DPH7: variants seen among roughly 807,000 people sequenced by gnomAD.
DPH7 encodes the protein diphthamide biosynthesis 7, also known as diphthine methyltransferase.
A neutral mutation model predicts 41.7 loss-of-function variants in DPH7; 44 were observed. That is an observed-to-expected ratio of 1.05 (90% CI 0.83 to 1.36). DPH7 has a LOEUF of 1.36. Among genes scored for constraint, DPH7 ranks in the 40% most tolerant of loss-of-function variants. DPH7 has a pLI of 0.00. For missense variants in DPH7, 629 were observed against 577.5 expected (o/e 1.09, Z -0.91); for synonymous variants, 275 against 238.0 (o/e 1.16, Z -1.43).
At chr9:137,573,513 T>TA (rs1436610452) in intron 5 of DPH7, among the ~76,000 whole-genome samples, 138 of 132,898 alleles carry the variant, frequency 1.0e-3, no homozygotes, top group Middle Eastern at 4.5e-3. Flanking sequence ...CCCATCTCTC[T>TA]AAAAAAAAAA....
In DPH7 at chr9:137,564,538, T is replaced by C. The variant is rs894395712; in HGVS notation, c.845A>G (p.Gln282Arg). The change falls in exon 8 of 9, where the codon CAG (glutamine) becomes CGG (arginine). Residue 282 changes from glutamine to arginine, a missense_variant. Physicochemically the swap from Gln to Arg is conservative, Grantham distance 43. Coordinates refer to ENST00000277540, the MANE Select transcript of DPH7 (RefSeq NM_138778.5). ...CCACTTGATTCTCCATACCCCACCC[T>C]GCACAGGCGTATCTGCCAACGGCTG... ...MKQPLADTPV[Q>R]GGVWRIKWHP... 3.1e-6 allele frequency: 5 copies of C among 1,614,016 alleles called. No individual in the cohort carries two copies. The Admixed American group carries it at 5.0e-5, about 16-fold the overall frequency.
rs771393767 is a variant in DPH7 at position 137,564,573 on chromosome 9, T to C, written c.810A>G (p.Arg270=). 3 of 1,613,840 alleles carry C rather than the reference T, an allele frequency of 1.9e-6. No homozygotes were observed. In the South Asian group the frequency reaches 3.3e-5, roughly 18 times the overall value. The change falls in exon 8 of 9, where the codon CGA becomes CGG. Residue 270 remains arginine (R), a synonymous_variant. Coordinates refer to ENST00000277540, the MANE Select transcript of DPH7 (RefSeq NM_138778.5). ...YDEHILLWDT[R]NMKQPLADTP... is the part of the protein sequence containing the mutation. Reference sequence around the variant, plus strand: ...TATCTGCCAACGGCTGCTTCATGTTTCGTGTGTCCCACAGTAGGATGTGTT... The same window carrying C: ...TATCTGCCAACGGCTGCTTCATGTTCCGTGTGTCCCACAGTAGGATGTGTT...
intron 5 of DPH7, among the ~76,000 whole-genome samples, chr9:137,570,423 A>C (rs1284606672): frequency 1.3e-5 from 2 of 152,192 alleles, no homozygotes; most frequent in Non-Finnish European, 2.9e-5. Context: ...TTCTATCCAG[A>C]ACCCAACCAC....
chr9:137,555,175 C>T lies in DPH7; in HGVS notation c.*64G>A. Reference sequence around the variant, plus strand: ...AGTAAGCATCTCTGATGAGGTGGTCCCGGGCACTCACTCGCAGTCTCCCTC... The same window carrying T: ...AGTAAGCATCTCTGATGAGGTGGTCTCGGGCACTCACTCGCAGTCTCCCTC... On this transcript the variant is annotated 3_prime_UTR_variant, in exon 9 of 9. Transcript: ENST00000277540. 1 of 1,527,676 alleles carries T rather than the reference C, an allele frequency of 6.5e-7. No individual in the cohort carries two copies. The highest frequency in any genetic ancestry group is 8.8e-7 in the Non-Finnish European group (1 of 1,136,128). The allele number at this position is 1,527,676 out of a possible 1,614,324, so 94.6% of individuals were successfully genotyped here.
Position 137,574,737 on chromosome 9 carries a change from A to G in DPH7, c.467+15T>C, listed in dbSNP as rs751397601. On this transcript the variant is annotated intron_variant, in intron 4 of 8. Transcript: ENST00000277540. ...AGAGAAAGACTCAGGACCCCTGACCAAGCCTGGCCCTTACCTTCCAGTTTT... is the reference window on the plus strand; with the variant it reads ...AGAGAAAGACTCAGGACCCCTGACCGAGCCTGGCCCTTACCTTCCAGTTTT... 8 of 1,598,310 alleles carry G rather than the reference A, an allele frequency of 5.0e-6. No individual in the cohort carries two copies. In the Admixed American group the frequency reaches 1.3e-4, roughly 27 times the overall value.
chr9:137,558,323 G>T (rs569333221), intron 8 of DPH7, among the ~76,000 whole-genome samples: 1 of 152,154 alleles, frequency 6.6e-6, no homozygotes, highest in East Asian at 1.9e-4. Flanking sequence ...CTTGTGTCCA[G>T]GTGGTCCGGG....
rs759855901 is a variant in DPH7 at position 137,564,511 on chromosome 9, T to A, written c.872A>T (p.His291Leu). 1 of 1,614,102 alleles carries A rather than the reference T, an allele frequency of 6.2e-7. No individual in the cohort carries two copies. Among genetic ancestry groups the A allele is most frequent in the South Asian group, 1.1e-5 (1 of 91,082 alleles). Residue 291 changes from histidine to leucine, a missense_variant, in exon 8 of 9, where the codon CAC (histidine) becomes CTC (leucine). By Grantham distance (99) the His-to-Leu change is moderately conservative (BLOSUM62 -3). Coordinates refer to ENST00000277540, the MANE Select transcript of DPH7 (RefSeq NM_138778.5). ...VQGGVWRIKW[H>L]PFHHHLLLAA... ...CAGGAGCAGGTGGTGGTGGAAAGGG[T>A]GCCACTTGATTCTCCATACCCCACC... is the stretch of plus-strand genomic sequence containing the variant.
At chr9:137,575,224 C>G (rs923511039) in intron 3 of DPH7, 6 of 1,005,232 alleles carry the variant, frequency 6.0e-6, no homozygotes, top group Non-Finnish European at 7.1e-6. Context: ...CACTGGAACA[C>G]TCGCCTCCCG....
chr9:137,572,085 G>A (rs1056597596), intron 5 of DPH7, among the ~76,000 whole-genome samples: 3 of 152,142 alleles, frequency 2.0e-5, no homozygotes, highest in African/African-American at 4.8e-5. Context: ...CCTTACACAC[G>A]TGCTCGTCAC....
At chr9:137,563,967 G>C (rs1839086823) in intron 8 of DPH7, among the ~76,000 whole-genome samples, 1 of 152,202 alleles carries the variant, frequency 6.6e-6, no homozygotes, top group African/African-American at 2.4e-5. Flanking sequence ...CAGAATCAGA[G>C]GTGCTTGTTC....
intron 1 of DPH7, 76 bp downstream of exon 1, chr9:137,578,549 G>A: frequency 7.3e-7 from 1 of 1,374,408 alleles, no homozygotes; most frequent in Non-Finnish European, 9.4e-7. Context: ...TCATCTCCTG[G>A]GCGATTCGGT....
chr9:137,574,491 G>T, intron 4 of DPH7, 111 bp from the exon 5 acceptor site: 1 of 1,172,162 alleles, frequency 8.5e-7, no homozygotes, highest in Non-Finnish European at 1.2e-6. Context: ...ATGCGGATAT[G>T]CCCCTTAAGA....
chr9:137,559,800 T>C (rs958451884), intron 8 of DPH7, among the ~76,000 whole-genome samples: 4 of 152,214 alleles, frequency 2.6e-5, no homozygotes, highest in Non-Finnish European at 5.9e-5. Context: ...CCCCTTTTGC[T>C]TTGTATCCAA....
Position 137,564,495 on chromosome 9 carries a change from G to A in DPH7, c.888C>T (p.His296=), listed in dbSNP as rs771448952. 8.1e-6 allele frequency: 13 copies of A among 1,614,034 alleles called. No homozygotes were observed. The highest frequency in any genetic ancestry group is 1.0e-5 in the Non-Finnish European group (12 of 1,180,028). ...WRIKWHPFHH[H]LLLAACMHSG... ...TGTGCATGCAGGCGGCCAGGAGCAG[G>A]TGGTGGTGGAAAGGGTGCCACTTGA... The change falls in exon 8 of 9, where the codon CAC becomes CAT. Residue 296 remains histidine, a synonymous_variant. Coordinates refer to ENST00000277540, the MANE Select transcript of DPH7 (RefSeq NM_138778.5).
rs1249620099 is a variant in DPH7, at chr9:137,556,729, C to T, written c.950-1081G>A. On this transcript the variant is annotated intron_variant, in intron 8 of 8. Transcript: ENST00000277540. This position sits in a 1 kb window ranked among gnomAD's most constrained non-coding sequence, Gnocchi z 5.2. Reference sequence around the variant, plus strand: ...GCCGTTACTGTCCCTTGGGAGGTAGCGTCACAGGGCAGGCAGGACCTCCGC... The same window carrying T: ...GCCGTTACTGTCCCTTGGGAGGTAGTGTCACAGGGCAGGCAGGACCTCCGC... The T allele has an allele frequency of 1.8e-5, 8 of 440,140 alleles. No homozygotes were observed. Among genetic ancestry groups the T allele is most frequent in the Middle Eastern group, 5.5e-4 (1 of 1,832 alleles). The allele number at this position is 440,140 out of a possible 1,614,324, so 27.3% of individuals were successfully genotyped here. A position where few individuals can be genotyped will look rare whatever the true frequency, so the allele number is the denominator to read the frequency against.
At chr9:137,564,681 C>A (rs895873521) in intron 7 of DPH7, 75 bp from the exon 8 acceptor site, 1 of 1,555,036 alleles carries the variant, frequency 6.4e-7, no homozygotes, top group Non-Finnish European at 8.7e-7. Flanking sequence ...CTGGGGGGCA[C>A]AGAACGTCTC....
intron 8 of DPH7, among the ~76,000 whole-genome samples, chr9:137,559,898 T>C (rs1838220122): frequency 6.6e-6 from 1 of 152,110 alleles, no homozygotes; most frequent in African/African-American, 2.4e-5. Flanking sequence ...TGTCTTTTCT[T>C]TTATCTCTGT....
intron 8 of DPH7, among the ~76,000 whole-genome samples, chr9:137,559,118 T>C (rs1034396564): frequency 2.6e-5 from 4 of 152,234 alleles, no homozygotes; most frequent in African/African-American, 9.6e-5. Context: ...TCATTAATCA[T>C]TAGTTGGTAG....
rs758267610 is a variant in DPH7 at position 137,574,848 on chromosome 9, TGGA to T, written c.376-8_376-6del. On this transcript the variant is annotated splice_polypyrimidine_tract_variant and splice_region_variant and intron_variant, in intron 3 of 8. Transcript: ENST00000277540. ...TGGCTCCAGCACGTGGCTCTTCTAC[TGGA>T]GAAGAAGAAACTCCATCAAAGGGAA... The T allele has an allele frequency of 6.2e-7, 1 of 1,613,622 alleles. No individual in the cohort carries two copies. The highest frequency in any genetic ancestry group is 1.1e-5 in the South Asian group (1 of 91,018).
Sources: gnomAD v4.1 joint callset for allele counts (sites outside exome capture counted in the v4.1 genomes callset) on GRCh38, gnomAD v4.1.1 for gene constraint, Gnocchi (gnomAD v3.1) non-coding constraint, MANE v1.5 for transcripts, NCBI Gene and HGNC (gene_info 2026-07-23, HGNC 2026-07-21) for gene names.